Variants in RIMS2 observed in about 807,000 individuals in gnomAD.
The protein encoded by RIMS2 is regulating synaptic membrane exocytosis protein 2.
RIMS2 carries 59 observed loss-of-function variants against 174.4 expected under a neutral mutation model. The ratio of observed to expected loss-of-function variants is 0.34; its 90% CI spans 0.27 to 0.42. The LOEUF is 0.42. RIMS2 is among the 10% of genes least tolerant of loss of function. The probability of loss-of-function intolerance (pLI) is 1.00; values close to 1 mark genes in which losing one functional copy is unlikely to be tolerated. For missense variants in RIMS2, 1,620 were observed against 1,666.3 expected, an observed-to-expected ratio of 0.97 and a Z score of 0.48; for synonymous variants, 606 against 572.5, an observed-to-expected ratio of 1.06 and a Z score of -0.84.
intron 2 of RIMS2, among the ~76,000 whole-genome samples, chr8:103,722,563 G>T (rs138994582): frequency 6.6e-6 from 1 of 152,236 alleles, no homozygotes; most frequent in African/African-American, 2.4e-5. Context: ...TGCCGACACT[G>T]ATCTGACAGG....
At chr8:103,825,446 A>ATTTTTTTTTTT (rs35460743) in intron 3 of RIMS2, among the ~76,000 whole-genome samples, 3 of 131,848 alleles carry the variant, frequency 2.3e-5, no homozygotes, top group Non-Finnish European at 4.7e-5. Context: ...TGGCTAGCTA[A>ATTTTTTTTTTT]TTTTTTTTTT....
intron 20 of RIMS2, among the ~76,000 whole-genome samples, chr8:104,246,240 T>C (rs2099329596): frequency 6.6e-6 from 1 of 152,232 alleles, no homozygotes; most frequent in Admixed American, 6.5e-5. Context: ...ATGTAAGTCA[T>C]AGGAGGGAGG....
intron 16 of RIMS2, among the ~76,000 whole-genome samples, chr8:103,983,117 A>G (rs1490546471): frequency 2.6e-5 from 4 of 152,226 alleles, no homozygotes; most frequent in African/African-American, 9.6e-5. Context: ...AATCTGAAAA[A>G]GAAATCAAGA....
intron 1 of RIMS2, among the ~76,000 whole-genome samples, chr8:103,688,079 C>T (rs958179984): frequency 9.2e-5 from 14 of 151,874 alleles, no homozygotes; most frequent in Admixed American, 2.0e-4. Flanking sequence ...AATTTGGATG[C>T]CTTTTATTTC....
intron 3 of RIMS2, among the ~76,000 whole-genome samples, chr8:103,872,087 T>G (rs941535482): frequency 2.0e-5 from 3 of 152,198 alleles, no homozygotes; most frequent in African/African-American, 7.2e-5. Context: ...AAAAAAGACC[T>G]GATTTACTGC....
At chr8:103,986,772 C>G (rs2094390752) in intron 16 of RIMS2, among the ~76,000 whole-genome samples, 1 of 151,810 alleles carries the variant, frequency 6.6e-6, no homozygotes, top group South Asian at 2.1e-4. Flanking sequence ...ACCCAAGAGG[C>G]TGATGCAGGA....
At chr8:103,534,923 C>A (rs186889904) in intron 1 of RIMS2, among the ~76,000 whole-genome samples, 30 of 152,240 alleles carry the variant, frequency 2.0e-4, no homozygotes, top group Non-Finnish European at 1.5e-5. Context: ...TTGATTTAGG[C>A]CAGTAAAAAA....
At chr8:104,015,557 G>T (rs1319071568) in intron 19 of RIMS2, 1 of 556,860 alleles carries the variant, frequency 1.8e-6, no homozygotes, top group East Asian at 3.1e-5. Flanking sequence ...TCGTTGTGTA[G>T]ACTTAAATAC....
chr8:103,560,347 A>T (rs1324538407), intron 1 of RIMS2, among the ~76,000 whole-genome samples: 1 of 152,206 alleles, frequency 6.6e-6, no homozygotes, highest in Non-Finnish European at 1.5e-5. Flanking sequence ...ATTGCACTCC[A>T]GCCTGGGTGA....
chr8:104,044,028 A>G (rs143711809), intron 19 of RIMS2, among the ~76,000 whole-genome samples: 154 of 151,840 alleles, frequency 1.0e-3, no homozygotes, highest in African/African-American at 3.5e-3. Context: ...GGGATTGTAT[A>G]GCATATATGT....
At chr8:104,047,692 G>A (rs1337822387) in intron 19 of RIMS2, among the ~76,000 whole-genome samples, 1 of 152,044 alleles carries the variant, frequency 6.6e-6, no homozygotes, top group Non-Finnish European at 1.5e-5. Flanking sequence ...TCTGCATTTT[G>A]ATGTGTATGC....
intron 11 of RIMS2, chr8:103,927,917 C>A: frequency 6.3e-7 from 1 of 1,591,520 alleles, no homozygotes; most frequent in South Asian, 1.1e-5. Flanking sequence ...CTGATAGAAA[C>A]TAAAGTTGTG....
chr8:103,551,849 C>G (rs1199807553), intron 1 of RIMS2, among the ~76,000 whole-genome samples: 1 of 152,158 alleles, frequency 6.6e-6, no homozygotes, highest in Non-Finnish European at 1.5e-5. Flanking sequence ...CTCCCATCCA[C>G]AATTGCTTCA....
chr8:103,523,082 ATG>A (rs1325997870), intron 1 of RIMS2, among the ~76,000 whole-genome samples: 2 of 151,744 alleles, frequency 1.3e-5, no homozygotes, highest in Non-Finnish European at 1.5e-5. Context: ...TGATGATGGG[ATG>A]TGTGTGTTTA....
At chr8:104,057,903 A>C (rs1338062513) in intron 19 of RIMS2, among the ~76,000 whole-genome samples, 12 of 151,552 alleles carry the variant, frequency 7.9e-5, no homozygotes, top group Admixed American at 6.6e-5. Flanking sequence ...TGAACTCATC[A>C]TTTTTTATGG....
chr8:103,624,205 G>A (rs543620876), intron 1 of RIMS2, among the ~76,000 whole-genome samples: 9 of 152,320 alleles, frequency 5.9e-5, no homozygotes, highest in South Asian at 2.1e-4. Context: ...ATTAGCATTT[G>A]AAAGGCTGAA....
At chr8:103,656,569 C>G (rs1328533984) in intron 1 of RIMS2, among the ~76,000 whole-genome samples, 2 of 152,142 alleles carry the variant, frequency 1.3e-5, no homozygotes, top group South Asian at 4.1e-4. Context: ...TAATTAAAAA[C>G]AGTTCTGTGG....
At chr8:104,023,698 A>G (rs2096172855) in intron 19 of RIMS2, among the ~76,000 whole-genome samples, 1 of 152,164 alleles carries the variant, frequency 6.6e-6, no homozygotes, top group Non-Finnish European at 1.5e-5. Flanking sequence ...TCTACATTTC[A>G]TATTAGAGGT....
chr8:104,245,968 G>T (rs1347420199), intron 20 of RIMS2, among the ~76,000 whole-genome samples: 3 of 152,182 alleles, frequency 2.0e-5, no homozygotes, highest in African/African-American at 7.2e-5. Context: ...GAGAGTTGAG[G>T]TCGGGGGGAG....
Sources: allele counts gnomAD v4.1 joint callset (sites outside exome capture counted in the v4.1 genomes callset), GRCh38; gene constraint gnomAD v4.1.1; transcripts MANE v1.5; gene names NCBI Gene and HGNC (gene_info 2026-07-23, HGNC 2026-07-21).